Variants in AGL observed in about 807,000 individuals in gnomAD.
AGL encodes the protein amylo-alpha-1,6-glucosidase and 4-alpha-glucanotransferase.
AGL carries 128 observed loss-of-function variants against 199.3 expected under a neutral mutation model. The ratio of observed to expected loss-of-function variants is 0.64; its 90% confidence interval spans 0.56 to 0.74. The LOEUF (loss-of-function observed/expected upper bound fraction) is 0.74, where lower values mean the gene tolerates loss of function less well. Ranked by LOEUF, AGL falls within the 30% of genes least tolerant of loss-of-function variation. The pLI is 0.00. For missense variants in AGL, 1,809 were observed against 1,820.8 expected (o/e 0.99, Z 0.12); for synonymous variants, 584 against 594.7 (o/e 0.98, Z 0.26).
intron 2 of AGL, among the ~76,000 whole-genome samples, chr1:99,856,610 T>C (rs1424550578): frequency 6.6e-6 from 1 of 152,008 alleles, no homozygotes; most frequent in East Asian, 1.9e-4. Context: ...AGTGTTTGTG[T>C]CCCTGGGTAC....
intron 4 of AGL, among the ~76,000 whole-genome samples, chr1:99,862,861 C>G (rs1371338987): frequency 6.6e-6 from 1 of 152,054 alleles, no homozygotes; most frequent in Non-Finnish European, 1.5e-5. Flanking sequence ...GGCAGGGACA[C>G]AAATCCAAAC....
rs1557754310 is a variant in AGL at position 99,870,474 on chromosome 1, G to GC, written c.741dup (p.Trp248LeufsTer13). The GC allele has an allele frequency of 6.2e-7, 1 of 1,614,006 alleles. No homozygotes were observed. Among genetic ancestry groups the GC allele is most frequent in the Non-Finnish European group, 8.5e-7 (1 of 1,179,942 alleles). On this transcript the variant is annotated frameshift_variant, in exon 6 of 34. Transcript: ENST00000361915. LOFTEE classifies it high-confidence loss of function. Reference sequence around the variant, plus strand: ...TGTGAATTCTCCACACTTAAAACCTGCCTGGGTCTTAGACAGAGCACTTTG... The same window carrying GC: ...TGTGAATTCTCCACACTTAAAACCTGCCCTGGGTCTTAGACAGAGCACTTTG...
At chr1:99,887,875 C>A in intron 20 of AGL, 103 bp from the exon 21 acceptor site, 2 of 1,328,514 alleles carry the variant, frequency 1.5e-6, no homozygotes, top group Non-Finnish European at 2.1e-6. Flanking sequence ...AAAACATACA[C>A]TGCTAAGACA....
At chr1:99,895,871 G>A (rs1382705570) in intron 24 of AGL, among the ~76,000 whole-genome samples, 1 of 152,194 alleles carries the variant, frequency 6.6e-6, no homozygotes, top group African/African-American at 2.4e-5. Context: ...AGCTACTTGG[G>A]AGGCTGAGGT....
intron 20 of AGL, among the ~76,000 whole-genome samples, chr1:99,887,679 T>G (rs570606188): frequency 6.6e-6 from 1 of 152,246 alleles, no homozygotes; most frequent in East Asian, 1.9e-4. Flanking sequence ...AAAACAGATT[T>G]ATAAGATAAA....
Position 99,913,573 on chromosome 1 carries a change from A to G in AGL, c.3996A>G (p.Gln1332=), listed in dbSNP as rs759133816. 6.2e-7 allele frequency: 1 copy of G among 1,614,050 alleles called. No homozygotes were observed. Among genetic ancestry groups the G allele is most frequent in the South Asian group, 1.1e-5 (1 of 91,084 alleles). Residue 1332 remains glutamine, a synonymous_variant, in exon 30 of 34, where the codon CAA becomes CAG. Coordinates refer to ENST00000361915, the MANE Select transcript of AGL (RefSeq NM_000642.3). The part of the protein sequence containing the change: ...VSYDEWNRKI[Q]DNFEKLFHVS... ...ATGATGAGTGGAACAGAAAAATACA[A>G]GACAACTTTGAAAAGCTATTTCATG...
intron 7 of AGL, among the ~76,000 whole-genome samples, chr1:99,872,075 T>G (rs1225252703): frequency 6.6e-6 from 1 of 152,214 alleles, no homozygotes; most frequent in Non-Finnish European, 1.5e-5. Flanking sequence ...TATGAATTTA[T>G]TATAGCTAAT....
At chr1:99,856,079 G>A (rs1031526514) in intron 2 of AGL, among the ~76,000 whole-genome samples, 1 of 152,126 alleles carries the variant, frequency 6.6e-6, no homozygotes, top group South Asian at 2.1e-4. Context: ...TTAGTATGAG[G>A]AATAAGATAG....
intron 20 of AGL, among the ~76,000 whole-genome samples, chr1:99,886,726 G>A (rs936406452): frequency 6.6e-6 from 1 of 152,112 alleles, no homozygotes; most frequent in Admixed American, 6.5e-5. Context: ...GTTGTTTTAT[G>A]TATTACCCCA....
chr1:99,875,035 C>A (rs1316844398), intron 8 of AGL, 119 bp from the exon 9 acceptor site: 2 of 1,056,832 alleles, frequency 1.9e-6, no homozygotes, highest in Non-Finnish European at 2.8e-6. Flanking sequence ...ACATCATCAG[C>A]CATAATTGAA....
intron 5 of AGL, 61 bp downstream of exon 5, chr1:99,864,650 A>G (rs1182211118): frequency 7.2e-7 from 1 of 1,392,926 alleles, no homozygotes; most frequent in African/African-American, 1.4e-5. Flanking sequence ...ACACACATAT[A>G]CACACAAATA....
In AGL at chr1:99,874,775, T is replaced by C. The variant is rs1446805356; in HGVS notation, c.1047T>C (p.Asp349=). The C allele has an allele frequency of 2.5e-6, 4 of 1,613,814 alleles. No individual in the cohort carries two copies. Among genetic ancestry groups the C allele is most frequent in the Admixed American group, 3.3e-5 (2 of 60,004 alleles). ...PEYRRFGCTV[D]MNIALTTFIP... Reference sequence around the variant, plus strand: ...ACAGACGGTTTGGCTGTACTGTAGATATGAACATTGCACTAACGACTTTCA... The same window carrying C: ...ACAGACGGTTTGGCTGTACTGTAGACATGAACATTGCACTAACGACTTTCA... Residue 349 remains aspartate, a synonymous_variant, in exon 8 of 34, where the codon GAT becomes GAC. Transcript: ENST00000361915.
chr1:99,885,095 T>C (rs1397659021), intron 20 of AGL, among the ~76,000 whole-genome samples: 1 of 152,248 alleles, frequency 6.6e-6, no homozygotes, highest in African/African-American at 2.4e-5. Context: ...TTAAACAATT[T>C]CCATTTTTGG....
chr1:99,891,813 C>T, intron 23 of AGL, 74 bp downstream of exon 23: 3 of 1,548,538 alleles, frequency 1.9e-6, no homozygotes, highest in Non-Finnish European at 2.7e-6. Context: ...CATACATGTT[C>T]TTAAAAAACC....
At chr1:99,885,304 C>T (rs1293159856) in intron 20 of AGL, among the ~76,000 whole-genome samples, 1 of 152,184 alleles carries the variant, frequency 6.6e-6, no homozygotes, top group Non-Finnish European at 1.5e-5. Flanking sequence ...CTTTCATCAT[C>T]TCAGTCTCCC....
At chr1:99,888,534 A>T (rs1652634065) in intron 21 of AGL, among the ~76,000 whole-genome samples, 2 of 152,148 alleles carry the variant, frequency 1.3e-5, no homozygotes, top group Non-Finnish European at 2.9e-5. Flanking sequence ...TTGGGCCCCA[A>T]GTGGGATTAG....
Position 99,901,902 on chromosome 1 carries a change from A to T in AGL, c.3589-781A>T, listed in dbSNP as rs1367346071. Among the ~76,000 whole-genome samples the T allele has an allele frequency of 2.6e-5, 4 of 152,148 alleles. No homozygotes were observed. In the East Asian group the frequency reaches 7.7e-4, roughly 29 times the overall value. ...TATTTGTCCTCTGTTATCAACTGAC[A>T]TTTCTGTTACAATGAATATAGGTTC... On this transcript the variant is annotated intron_variant, in intron 26 of 33. Transcript: ENST00000361915.
At chr1:99,882,365 G>A (rs556010504) in intron 17 of AGL, among the ~76,000 whole-genome samples, 2 of 152,140 alleles carry the variant, frequency 1.3e-5, no homozygotes, top group South Asian at 4.1e-4. Context: ...AAATGTCTTT[G>A]TGTGTATATA....
intron 32 of AGL, 35 bp downstream of exon 32, chr1:99,916,532 A>G (rs1166132575): frequency 1.2e-6 from 2 of 1,605,952 alleles, no homozygotes; most frequent in Admixed American, 3.4e-5. Context: ...GTTTCAGTTT[A>G]AATTATTTTT....
Sources: allele counts gnomAD v4.1 joint callset (sites outside exome capture counted in the v4.1 genomes callset), GRCh38; gene constraint gnomAD v4.1.1; transcripts MANE v1.5; gene names NCBI Gene and HGNC (gene_info 2026-07-23, HGNC 2026-07-21).